DYRK2: variants seen among roughly 807,000 people sequenced by gnomAD.
The protein encoded by DYRK2 is dual specificity tyrosine phosphorylation regulated kinase 2, also known as dual specificity tyrosine-phosphorylation-regulated kinase 2.
DYRK2 carries 12 observed loss-of-function variants against 41.6 expected under a neutral mutation model. The ratio of observed to expected loss-of-function variants is 0.29; its 90% CI spans 0.18 to 0.47. The LOEUF (loss-of-function observed/expected upper bound fraction) is 0.47. Ranked by LOEUF, DYRK2 falls within the 20% of genes least tolerant of loss-of-function variation. DYRK2 has a pLI of 1.00. For synonymous variants in DYRK2, 322 were observed against 315.7 expected (o/e 1.02, Z -0.21); for missense variants, 678 against 798.4 (o/e 0.85, Z 1.82).
chr12:67,664,968 T>G lies in DYRK2; in HGVS notation c.*6255T>G, dbSNP rs1872709954. ...GAAAATACTATTTTTGACACTTTAC[T>G]GATACTCAGGGATTAAAAGTTAAAT... On this transcript the variant is annotated 3_prime_UTR_variant, in exon 3 of 3. Coordinates refer to ENST00000344096, the MANE Select transcript of DYRK2 (RefSeq NM_006482.3). 1.3e-5 allele frequency: 2 copies of G among 152,190 alleles called. No individual in the cohort carries two copies. The highest frequency in any genetic ancestry group is 2.9e-5 in the Non-Finnish European group (2 of 68,020). The allele number at this position is 152,190 out of a possible 1,614,324, so 9.4% of individuals were successfully genotyped here.
rs1043624258 is a variant in DYRK2 at position 67,659,813 on chromosome 12, G to A, written c.*1100G>A. 6.0e-6 allele frequency: 1 copy of A among 166,996 alleles called. No individual in the cohort carries two copies. Among genetic ancestry groups the A allele is most frequent in the Non-Finnish European group, 1.5e-5 (1 of 68,102 alleles). 10.3% of individuals were successfully genotyped at this position (166,996 alleles called of 1,614,324 possible). On this transcript the variant is annotated 3_prime_UTR_variant, in exon 3 of 3. Coordinates refer to ENST00000344096, the MANE Select transcript of DYRK2 (RefSeq NM_006482.3). ...AAAGAAAGAGGGTTGAAAATCCTCTGGACGAACAGAAGTCACTTTGGCTGT... is the reference window on the plus strand; with the variant it reads ...AAAGAAAGAGGGTTGAAAATCCTCTAGACGAACAGAAGTCACTTTGGCTGT...
chr12:67,649,277 A>C, intron 1 of DYRK2, 95 bp downstream of exon 1: 2 of 1,051,918 alleles, frequency 1.9e-6, no homozygotes, highest in Non-Finnish European at 2.4e-6. Flanking sequence ...GGGACCTCGA[A>C]CAAAGTCGGC....
chr12:67,651,253 C>T (rs1269751498), intron 2 of DYRK2, among the ~76,000 whole-genome samples: 1 of 152,150 alleles, frequency 6.6e-6, no homozygotes, highest in African/African-American at 2.4e-5. Context: ...ATTTAAGGGA[C>T]TGCCATTGAT....
rs191324223 is a variant in DYRK2, at chr12:67,653,309, C to A, written c.198+3364C>A. 3.3e-5 allele frequency among the ~76,000 whole-genome samples: 5 copies of A among 152,228 alleles called. No homozygotes were observed. In the East Asian group the frequency reaches 9.6e-4, roughly 29 times the overall value. ...TTCTGGCATTTCTAGTCCCTCAGCA[C>A]CCCCACCCTGCTCTCTGCCCCATTT... On this transcript the variant is annotated intron_variant, in intron 2 of 2. Transcript: ENST00000344096.
chr12:67,651,401 C>G (rs1872317583), intron 2 of DYRK2: 2 of 312,644 alleles, frequency 6.4e-6, no homozygotes, highest in South Asian at 5.4e-5. Context: ...CATGTGGATT[C>G]CAATTTTGTA....
Position 67,649,092 on chromosome 12 carries a change from C to T in DYRK2, c.-42C>T. 6.8e-7 allele frequency: 1 copy of T among 1,462,728 alleles called. No individual in the cohort carries two copies. Among genetic ancestry groups the T allele is most frequent in the South Asian group, 1.3e-5 (1 of 75,920 alleles). The allele number at this position is 1,462,728 out of a possible 1,614,324, so 90.6% of individuals were successfully genotyped here. On this transcript the variant is annotated 5_prime_UTR_variant, in exon 1 of 3. Transcript: ENST00000344096. Reference sequence around the variant, plus strand: ...CCAGAAGTAGCAGCAGGACCGGCGGCGGCGACGGCAGCCCTGAAATGCATT... The same window carrying T: ...CCAGAAGTAGCAGCAGGACCGGCGGTGGCGACGGCAGCCCTGAAATGCATT...
Position 67,657,131 on chromosome 12 carries a change from A to G in DYRK2, c.224A>G (p.Asn75Ser), listed in dbSNP as rs200418247. ...ATTGGCGGCAGTAAGCACACAATGA[A>G]TGATCACCTGCATGTCGGCAGCCAC... ...HTIGGSKHTM[N>S]DHLHVGSHAH... Residue 75 changes from asparagine to serine, a missense_variant, in exon 3 of 3, where the codon AAT becomes AGT. Around this residue, in one of 2 missense-constraint regions of DYRK2, gnomAD observed 285 missense variants for 279.2 expected, o/e 1.02. Coordinates refer to ENST00000344096, the MANE Select transcript of DYRK2 (RefSeq NM_006482.3). This position sits in a 1 kb window ranked among gnomAD's most constrained non-coding sequence, Gnocchi z 4.8. The G allele has an allele frequency of 3.8e-6, 6 of 1,574,564 alleles. No homozygotes were observed. Among genetic ancestry groups the G allele is most frequent in the Admixed American group, 1.9e-5 (1 of 53,636 alleles).
intron 2 of DYRK2, among the ~76,000 whole-genome samples, chr12:67,652,299 A>G (rs1369229699): frequency 2.6e-5 from 4 of 152,104 alleles, no homozygotes; most frequent in Admixed American, 1.3e-4. Context: ...TTATTTTTCT[A>G]TTAATGTTAA....
intron 2 of DYRK2, among the ~76,000 whole-genome samples, chr12:67,655,948 T>C (rs1282350633): frequency 1.3e-5 from 2 of 152,236 alleles, no homozygotes; most frequent in African/African-American, 4.8e-5. Context: ...TGTAAGTTCC[T>C]GGAGGGCAGG....
chr12:67,650,658 G>A (rs533055229), intron 2 of DYRK2, among the ~76,000 whole-genome samples: 2 of 152,202 alleles, frequency 1.3e-5, no homozygotes, highest in South Asian at 4.1e-4. Flanking sequence ...GAGGGGAGAG[G>A]CCAGCGTGGG....
intron 1 of DYRK2, 168 bp from the exon 2 acceptor site, chr12:67,649,629 G>T: frequency 1.3e-6 from 1 of 769,120 alleles, no homozygotes. Context: ...CCCGCCCGTG[G>T]GTGTGCGCTG....
At position 67,662,045 on chromosome 12, in the gene DYRK2, T is replaced by G. The variant is rs1451075817; in HGVS notation, c.*3332T>G. On this transcript the variant is annotated 3_prime_UTR_variant, in exon 3 of 3. Coordinates refer to ENST00000344096, the MANE Select transcript of DYRK2 (RefSeq NM_006482.3). ...GTGTTAAATGACTCCATCAGAATGT[T>G]AGAAAACACTTTAGGCATCAGTAGC... 1 of 166,380 alleles carries G rather than the reference T, an allele frequency of 6.0e-6. No individual in the cohort carries two copies. The highest frequency in any genetic ancestry group is 2.4e-5 in the African/African-American group (1 of 41,428). The allele number at this position is 166,380 out of a possible 1,614,324, so 10.3% of individuals were successfully genotyped here. A position where few individuals can be genotyped will look rare whatever the true frequency, so the allele number is the denominator to read the frequency against.
rs569784741 is a variant in DYRK2, at chr12:67,657,415, T to G, written c.508T>G (p.Phe170Val). 1 of 1,614,148 alleles carries G rather than the reference T, an allele frequency of 6.2e-7. No individual in the cohort carries two copies. Among genetic ancestry groups the G allele is most frequent in the South Asian group, 1.1e-5 (1 of 91,078 alleles). The change falls in exon 3 of 3, where the codon TTC becomes GTC. Residue 170 changes from phenylalanine (F) to valine (V), a missense_variant. Physicochemically the swap from Phe to Val is conservative, Grantham distance 50. Coordinates refer to ENST00000344096, the MANE Select transcript of DYRK2 (RefSeq NM_006482.3). The surrounding 1 kb of genome is among the most constrained non-coding windows in gnomAD (Gnocchi z 4.8). ...GCAATACATGCAAAAACTCACAGCC[T>G]TCGAACACCATGAGATTTTCAGCTA... is the stretch of plus-strand genomic sequence containing the variant. ...MKQYMQKLTA[F>V]EHHEIFSYPE...
rs994143551 is a variant in DYRK2, at chr12:67,661,491, G to C, written c.*2778G>C. Reference sequence around the variant, plus strand: ...GTGGTGCAAGACACTGTAGATTAACGGTAGAGGAGAAATTGTGCCCTTAGT... The same window carrying C: ...GTGGTGCAAGACACTGTAGATTAACCGTAGAGGAGAAATTGTGCCCTTAGT... On this transcript the variant is annotated 3_prime_UTR_variant, in exon 3 of 3. Transcript: ENST00000344096. The C allele has an allele frequency of 4.2e-5, 7 of 167,038 alleles. No homozygotes were observed. Among genetic ancestry groups the C allele is most frequent in the African/African-American group, 1.7e-4 (7 of 41,444 alleles). The allele number at this position is 167,038 out of a possible 1,614,324, so 10.3% of individuals were successfully genotyped here. A position where few individuals can be genotyped will look rare whatever the true frequency, so the allele number is the denominator to read the frequency against.
At chr12:67,649,753 TC>T (rs1447268848) in intron 1 of DYRK2, 43 bp from the exon 2 acceptor site, 2 of 1,306,288 alleles carry the variant, frequency 1.5e-6, no homozygotes, top group East Asian at 2.8e-5. Flanking sequence ...GGTGACTTTC[TC>T]CCCCCTGACC....
At position 67,649,150 on chromosome 12, in the gene DYRK2, C is replaced by T. The variant is rs780280111; in HGVS notation, c.17C>T (p.Pro6Leu). 4 of 1,511,872 alleles carry T rather than the reference C, an allele frequency of 2.6e-6. No homozygotes were observed. Among genetic ancestry groups the T allele is most frequent in the South Asian group, 1.2e-5 (1 of 81,404 alleles). The allele number at this position is 1,511,872 out of a possible 1,614,324, so 93.7% of individuals were successfully genotyped here. Reference sequence around the variant, plus strand: ...CCAGCGGCCATGTTAACCAGGAAACCTTCGGCCGCCGCTCCCGCCGCCTAC... The same window carrying T: ...CCAGCGGCCATGTTAACCAGGAAACTTTCGGCCGCCGCTCCCGCCGCCTAC... MLTRK[P>L]SAAAPAAYPT... is the part of the protein sequence containing the mutation. The change falls in exon 1 of 3, where the codon CCT (proline) becomes CTT (leucine). Residue 6 changes from proline (P) to leucine (L), a missense_variant. Transcript: ENST00000344096.
At chr12:67,649,332 T>A in intron 1 of DYRK2, 150 bp downstream of exon 1, 1 of 542,422 alleles carries the variant, frequency 1.8e-6, no homozygotes, top group Non-Finnish European at 2.6e-6. Context: ...CGCCCCGGGC[T>A]CCATGCAGGG....
At position 67,661,581 on chromosome 12, in the gene DYRK2, C is replaced by T. The variant is rs965578025; in HGVS notation, c.*2868C>T. The T allele has an allele frequency of 3.0e-5, 5 of 167,014 alleles. No homozygotes were observed. The highest frequency in any genetic ancestry group is 9.7e-5 in the African/African-American group (4 of 41,428). The allele number at this position is 167,014 out of a possible 1,614,324, so 10.3% of individuals were successfully genotyped here. A position where few individuals can be genotyped will look rare whatever the true frequency, so the allele number is the denominator to read the frequency against. On this transcript the variant is annotated 3_prime_UTR_variant, in exon 3 of 3. Transcript: ENST00000344096. ...GGCATGCATTTTTTGGCCTCTTTAA[C>T]TCTTCGAATTCTAGTCAGTAAGAAT...
In DYRK2 at chr12:67,660,117, C is replaced by T. The variant is rs764105091; in HGVS notation, c.*1404C>T. 1 of 166,904 alleles carries T rather than the reference C, an allele frequency of 6.0e-6. No homozygotes were observed. The highest frequency in any genetic ancestry group is 1.5e-5 in the Non-Finnish European group (1 of 68,100). 10.3% of individuals were successfully genotyped at this position (166,904 alleles called of 1,614,324 possible). Reference sequence around the variant, plus strand: ...TTATCACTAATGTATGAGCAATGATCTATATCAATTTCAAGGCACGTGAAA... The same window carrying T: ...TTATCACTAATGTATGAGCAATGATTTATATCAATTTCAAGGCACGTGAAA... On this transcript the variant is annotated 3_prime_UTR_variant, in exon 3 of 3. Transcript: ENST00000344096.
Sources: gnomAD v4.1 joint callset for allele counts (sites outside exome capture counted in the v4.1 genomes callset) on GRCh38, gnomAD v4.1.1 for gene constraint, gnomAD v4.1.1 regional missense constraint, Gnocchi (gnomAD v3.1) non-coding constraint, MANE v1.5 for transcripts, NCBI Gene and HGNC (gene_info 2026-07-23, HGNC 2026-07-21) for gene names.